Variants in DCHS2 observed in about 807,000 individuals in gnomAD.
The protein encoded by DCHS2 is protocadherin-23.
Under a neutral mutation model 182.4 loss-of-function variants are expected in DCHS2, and 142 were observed. That is an observed-to-expected ratio of 0.78 (90% CI 0.68 to 0.89). The LOEUF (loss-of-function observed/expected upper bound fraction) is 0.89, where lower values mean the gene tolerates loss of function less well. DCHS2 is among the 40% of genes least tolerant of loss of function. The probability of loss-of-function intolerance (pLI) is 0.00; values close to 1 mark genes in which losing one functional copy is unlikely to be tolerated. For synonymous variants in DCHS2, 1,740 were observed against 1,663.3 expected, an observed-to-expected ratio of 1.05 and a Z score of -1.12; for missense variants, 4,319 against 4,198.6, an observed-to-expected ratio of 1.03 and a Z score of -0.79.
chr4:154,258,361 GA>G (rs1553998768), intron 15 of DCHS2, among the ~76,000 whole-genome samples: 3 of 123,414 alleles, frequency 2.4e-5, no homozygotes, highest in South Asian at 2.8e-4. Context: ...TGCAGTAAAA[GA>G]AAGGCTTTTT....
chr4:154,267,066 T>C (rs147186502), intron 14 of DCHS2, among the ~76,000 whole-genome samples: 1 of 152,348 alleles, frequency 6.6e-6, no homozygotes, highest in African/African-American at 2.4e-5. Context: ...GACTTCACTC[T>C]AGAAGTTCTT....
chr4:154,374,074 G>A, intron 2 of DCHS2: 2 of 867,926 alleles, frequency 2.3e-6, no homozygotes, highest in Non-Finnish European at 3.5e-6. Context: ...AAAGACACCT[G>A]GATTAAAGTC....
chr4:154,335,910 C>G (rs1000092668), intron 3 of DCHS2, among the ~76,000 whole-genome samples: 1 of 152,178 alleles, frequency 6.6e-6, no homozygotes, highest in African/African-American at 2.4e-5. Context: ...CCCGAGATGA[C>G]AGAAGATCAG....
intron 13 of DCHS2, among the ~76,000 whole-genome samples, chr4:154,289,590 G>A (rs939272640): frequency 1.3e-5 from 2 of 151,830 alleles, no homozygotes; most frequent in Admixed American, 6.6e-5. Context: ...CATTCTACCA[G>A]GTCATTATTA....
chr4:154,369,758 G>A (rs1366276565), intron 2 of DCHS2, among the ~76,000 whole-genome samples: 1 of 152,056 alleles, frequency 6.6e-6, no homozygotes, highest in East Asian at 1.9e-4. Flanking sequence ...TGATTCATGT[G>A]GCATTTTTAT....
At chr4:154,334,258 G>A (rs916355901) in intron 4 of DCHS2, 1 of 153,222 alleles carries the variant, frequency 6.5e-6, no homozygotes, top group African/African-American at 2.4e-5. Context: ...CTAGGAGGAG[G>A]ACAAGCTCTT....
chr4:154,337,771 C>T (rs1728883093), intron 3 of DCHS2, among the ~76,000 whole-genome samples: 1 of 151,784 alleles, frequency 6.6e-6, no homozygotes, highest in African/African-American at 2.4e-5. Context: ...GATGAAGTTT[C>T]ACTCTGTTGC....
chr4:154,310,394 C>T (rs1478784260), intron 10 of DCHS2, among the ~76,000 whole-genome samples: 1 of 152,136 alleles, frequency 6.6e-6, no homozygotes, highest in Non-Finnish European at 1.5e-5. Context: ...TGGTTGGATT[C>T]AATGGGAGCC....
intron 1 of DCHS2, among the ~76,000 whole-genome samples, chr4:154,415,892 T>C (rs1223728651): frequency 6.6e-6 from 1 of 152,094 alleles, no homozygotes; most frequent in East Asian, 1.9e-4. Context: ...TTTTTACCTC[T>C]TCCATTTTAT....
At chr4:154,318,270 CAGA>C (rs1204102114) in intron 9 of DCHS2, among the ~76,000 whole-genome samples, 1 of 150,682 alleles carries the variant, frequency 6.6e-6, no homozygotes, top group African/African-American at 2.4e-5. Flanking sequence ...AGTTAAACAA[CAGA>C]AGAAGTCAAA....
chr4:154,324,558 T>TTAA lies in DCHS2; in HGVS notation c.4019-2071_4019-2070insTTA, dbSNP rs1383444595. ...TATTGATGCTTATAATTTAGATTGG[T>TTAA]ATCATAAGGTTTTGAGTTAAATAAC... is the stretch of plus-strand genomic sequence containing the variant. On this transcript the variant is annotated intron_variant, in intron 7 of 19. Transcript: ENST00000357232. 2.5e-3 allele frequency among the ~76,000 whole-genome samples: 379 copies of TTAA among 152,318 alleles called. 3 individuals are homozygous for TTAA. Among genetic ancestry groups the TTAA allele is most frequent in the African/African-American group, 8.6e-3 (357 of 41,566 alleles).
intron 9 of DCHS2, among the ~76,000 whole-genome samples, chr4:154,319,989 T>C (rs1355724461): frequency 4.0e-5 from 6 of 150,738 alleles, no homozygotes; most frequent in African/African-American, 9.7e-5. Context: ...GTGCATACCA[T>C]TGAAGACAAT....
At chr4:154,267,658 G>A (rs918222959) in intron 14 of DCHS2, among the ~76,000 whole-genome samples, 3 of 151,974 alleles carry the variant, frequency 2.0e-5, no homozygotes, top group African/African-American at 7.2e-5. Flanking sequence ...TTATGCCCTG[G>A]TGCTTCCTTT....
chr4:154,357,343 C>A (rs1172300175), intron 3 of DCHS2: 1 of 1,534,742 alleles, frequency 6.5e-7, no homozygotes, highest in Non-Finnish European at 9.0e-7. Flanking sequence ...GGAAAAGGAG[C>A]CAGGCTGGTG....
At chr4:154,314,084 G>A (rs1410150798) in intron 10 of DCHS2, among the ~76,000 whole-genome samples, 1 of 152,130 alleles carries the variant, frequency 6.6e-6, no homozygotes, top group Non-Finnish European at 1.5e-5. Context: ...AGCAAGAGGA[G>A]CCTTTTTAGT....
intron 1 of DCHS2, among the ~76,000 whole-genome samples, chr4:154,481,488 C>T (rs1379687687): frequency 6.6e-6 from 1 of 152,152 alleles, no homozygotes; most frequent in Admixed American, 6.5e-5. Context: ...AACTCCTGGG[C>T]TCAAGCTGTC....
chr4:154,327,734 T>C (rs1736339202), intron 7 of DCHS2, among the ~76,000 whole-genome samples: 1 of 152,156 alleles, frequency 6.6e-6, no homozygotes, highest in African/African-American at 2.4e-5. Context: ...GATTTATAGA[T>C]GCTTGGAACT....
intron 1 of DCHS2, among the ~76,000 whole-genome samples, chr4:154,474,975 TAA>T (rs932522371): frequency 7.2e-5 from 11 of 152,180 alleles, no homozygotes; most frequent in South Asian, 2.1e-4. Context: ...TAGCTTTTCC[TAA>T]GTTATGAACC....
intron 1 of DCHS2, among the ~76,000 whole-genome samples, chr4:154,440,703 C>A (rs917659535): frequency 2.6e-5 from 4 of 151,998 alleles, no homozygotes; most frequent in Non-Finnish European, 4.4e-5. Flanking sequence ...AAATCATAAG[C>A]CATTGTGTTT....
Sources: allele counts gnomAD v4.1 joint callset (sites outside exome capture counted in the v4.1 genomes callset), GRCh38; gene constraint gnomAD v4.1.1; transcripts MANE v1.5; gene names NCBI Gene and HGNC (gene_info 2026-07-23, HGNC 2026-07-21).